Variants in SCLT1 observed in about 807,000 individuals in gnomAD.
SCLT1 encodes the protein sodium channel-associated protein 1.
A neutral mutation model predicts 112.8 loss-of-function variants in SCLT1; 78 were observed. The ratio of observed to expected loss-of-function variants is 0.69; its 90% CI spans 0.58 to 0.83. The LOEUF (loss-of-function observed/expected upper bound fraction) is 0.83, where lower values mean the gene tolerates loss of function less well. SCLT1 is among the 40% of genes least tolerant of loss of function. The pLI is 0.00. For missense variants in SCLT1, 747 were observed against 770.4 expected (o/e 0.97, Z 0.36); for synonymous variants, 257 against 254.7 (o/e 1.01, Z -0.09).
At chr4:128,974,739 T>C (rs1740995477) in intron 9 of SCLT1, among the ~76,000 whole-genome samples, 1 of 152,142 alleles carries the variant, frequency 6.6e-6, no homozygotes, top group South Asian at 2.1e-4. Flanking sequence ...AGAAACTCAA[T>C]AATTATGTTT....
At chr4:129,081,415 G>A (rs1215215414) in intron 2 of SCLT1, among the ~76,000 whole-genome samples, 1 of 152,192 alleles carries the variant, frequency 6.6e-6, no homozygotes. Context: ...CGCTGGACTC[G>A]GGGTACCTGC....
chr4:128,985,382 T>C (rs759574439), intron 9 of SCLT1, among the ~76,000 whole-genome samples: 2 of 152,248 alleles, frequency 1.3e-5, no homozygotes, highest in Non-Finnish European at 2.9e-5. Context: ...TATCACACTG[T>C]AATTTTTTGG....
intron 18 of SCLT1, among the ~76,000 whole-genome samples, chr4:128,914,056 T>C (rs1160131253): frequency 1.3e-5 from 2 of 152,184 alleles, no homozygotes; most frequent in Admixed American, 1.3e-4. Flanking sequence ...GATTTGGATA[T>C]CATTTTGATC....
chr4:129,002,274 T>A (rs770931139), intron 6 of SCLT1, among the ~76,000 whole-genome samples: 2 of 151,986 alleles, frequency 1.3e-5, no homozygotes, highest in Admixed American at 6.6e-5. Context: ...ATACAAGATA[T>A]GAAACATTTG....
At chr4:128,905,112 C>T (rs920554946) in intron 18 of SCLT1, among the ~76,000 whole-genome samples, 1 of 152,152 alleles carries the variant, frequency 6.6e-6, no homozygotes, top group Non-Finnish European at 1.5e-5. Flanking sequence ...AACTAATAAG[C>T]ATCTCAAATG....
rs115965404 is a variant in SCLT1 at position 128,972,062 on chromosome 4, T to C, written c.687-1594A>G. ...ATCAAACAAAAATAGGTTTTTTTCA[T>C]TTGCAAAATGATTCCCTAAGGACAA... On this transcript the variant is annotated intron_variant, in intron 9 of 20. Coordinates refer to ENST00000281142, the MANE Select transcript of SCLT1 (RefSeq NM_144643.4). 2.6e-5 allele frequency: 4 copies of C among 152,010 alleles called. 1 individual carries two copies. Among genetic ancestry groups the C allele is most frequent in the South Asian group, 4.2e-4 (2 of 4,804 alleles). The allele number at this position is 152,010 out of a possible 1,614,324, so 9.4% of individuals were successfully genotyped here.
intron 9 of SCLT1, among the ~76,000 whole-genome samples, chr4:128,979,910 A>C (rs991365580): frequency 1.3e-5 from 2 of 152,240 alleles, no homozygotes; most frequent in African/African-American, 2.4e-5. Context: ...GTGTTCTAGA[A>C]GTCTAATAAT....
chr4:128,891,770 G>A (rs1733346587), intron 18 of SCLT1, among the ~76,000 whole-genome samples: 2 of 149,736 alleles, frequency 1.3e-5, no homozygotes, highest in African/African-American at 4.9e-5. Context: ...TCAACCTCCC[G>A]AGTAGCTGGG....
At chr4:128,890,265 G>T (rs917466499) in intron 19 of SCLT1, among the ~76,000 whole-genome samples, 5 of 152,078 alleles carry the variant, frequency 3.3e-5, no homozygotes, top group Non-Finnish European at 7.4e-5. Flanking sequence ...TCATCATTTT[G>T]GTTGCTTTTG....
intron 15 of SCLT1, 126 bp downstream of exon 15, chr4:128,948,370 G>GA: frequency 2.7e-6 from 1 of 371,170 alleles, no homozygotes; most frequent in Non-Finnish European, 4.1e-6. Flanking sequence ...GAAAAGAAAA[G>GA]AAAAACTTAC....
chr4:129,026,971 G>A (rs113181721), intron 5 of SCLT1, among the ~76,000 whole-genome samples: 19 of 151,790 alleles, frequency 1.3e-4, no homozygotes, highest in African/African-American at 3.4e-4. Flanking sequence ...TAAATTCCTC[G>A]ACACATACAC....
In SCLT1 at chr4:129,044,066, A is replaced by T; in HGVS notation, c.103-15T>A. On this transcript the variant is annotated splice_polypyrimidine_tract_variant and intron_variant, in intron 2 of 20. Coordinates refer to ENST00000281142, the MANE Select transcript of SCLT1 (RefSeq NM_144643.4). ...CAGACAGCTTTCTATAAAAGAATGT[A>T]CATCTTAAAATGTGTTCTCACATCA... 1 of 1,459,840 alleles carries T rather than the reference A, an allele frequency of 6.9e-7. No individual in the cohort carries two copies. The highest frequency in any genetic ancestry group is 9.5e-7 in the Non-Finnish European group (1 of 1,050,556). 90.4% of individuals were successfully genotyped at this position (1,459,840 alleles called of 1,614,324 possible).
At chr4:128,953,149 G>A (rs1738907634) in intron 13 of SCLT1, among the ~76,000 whole-genome samples, 1 of 152,036 alleles carries the variant, frequency 6.6e-6, no homozygotes, top group African/African-American at 2.4e-5. Flanking sequence ...TATTAGAAAT[G>A]AAAACAGAAA....
At chr4:128,982,231 C>A (rs573129007) in intron 9 of SCLT1, among the ~76,000 whole-genome samples, 1 of 152,092 alleles carries the variant, frequency 6.6e-6, no homozygotes, top group African/African-American at 2.4e-5. Context: ...ACCAGGAGAA[C>A]CCTGAGCTAG....
chr4:128,897,868 C>T (rs528159809), intron 18 of SCLT1, among the ~76,000 whole-genome samples: 95 of 152,146 alleles, frequency 6.2e-4, no homozygotes, highest in Admixed American at 4.6e-3. Flanking sequence ...GCAGGGGTTG[C>T]AATCCTAGTC....
chr4:129,036,409 C>T (rs940454382), intron 5 of SCLT1, among the ~76,000 whole-genome samples: 3 of 151,958 alleles, frequency 2.0e-5, no homozygotes, highest in Non-Finnish European at 2.9e-5. Flanking sequence ...CTATTCTCAG[C>T]ACATTAAAAT....
At chr4:129,005,975 A>G (rs1216915810) in intron 5 of SCLT1, among the ~76,000 whole-genome samples, 3 of 137,514 alleles carry the variant, frequency 2.2e-5, no homozygotes, top group East Asian at 4.6e-4. Context: ...ATGAGAACAC[A>G]TGGACACAGG....
At chr4:129,025,860 C>T (rs1386003394) in intron 5 of SCLT1, among the ~76,000 whole-genome samples, 3 of 151,586 alleles carry the variant, frequency 2.0e-5, no homozygotes, top group Non-Finnish European at 4.4e-5. Context: ...GGAAGATCTA[C>T]CAAGCAAATG....
At chr4:128,987,485 A>C (rs1742200608) in intron 9 of SCLT1, among the ~76,000 whole-genome samples, 1 of 152,198 alleles carries the variant, frequency 6.6e-6, no homozygotes, top group Non-Finnish European at 1.5e-5. Flanking sequence ...TCCCATCAGA[A>C]ATTTGACAAA....
Sources: allele counts gnomAD v4.1 joint callset (sites outside exome capture counted in the v4.1 genomes callset), GRCh38; gene constraint gnomAD v4.1.1; transcripts MANE v1.5; gene names NCBI Gene and HGNC (gene_info 2026-07-23, HGNC 2026-07-21).